Variants in NCALD observed in about 807,000 individuals in gnomAD.
The protein encoded by NCALD is neurocalcin delta.
A neutral mutation model predicts 18.6 loss-of-function variants in NCALD; 10 were observed. That is an observed-to-expected ratio of 0.54 (90% CI 0.33 to 0.91). The LOEUF (loss-of-function observed/expected upper bound fraction) is 0.91, where lower values mean the gene tolerates loss of function less well. Ranked by LOEUF, NCALD falls within the 40% of genes least tolerant of loss-of-function variation. NCALD has a pLI of 0.03. For missense variants in NCALD, 184 were observed against 247.6 expected (o/e 0.74, Z 1.72); for synonymous variants, 88 against 87.4 (o/e 1.01, Z -0.04).
chr8:102,007,520 G>C (rs1821754802), intron 2 of NCALD, among the ~76,000 whole-genome samples: 1 of 152,186 alleles, frequency 6.6e-6, no homozygotes, highest in Non-Finnish European at 1.5e-5. Flanking sequence ...GATAAGGTTG[G>C]AAACAATTGT....
At chr8:101,971,523 C>A (rs780226321) in intron 2 of NCALD, among the ~76,000 whole-genome samples, 6 of 152,068 alleles carry the variant, frequency 3.9e-5, no homozygotes, top group Non-Finnish European at 8.8e-5. Context: ...TCTCTCTTGT[C>A]TGCTGCCATG....
Position 101,688,892 on chromosome 8 carries a change from C to A in NCALD, c.*417G>T. ...CCGGTGCCATCCATCACCCCTACGG[C>A]ACGTGTGACAACAGATTCAGGTGGG... On this transcript the variant is annotated 3_prime_UTR_variant, in exon 4 of 4. Coordinates refer to ENST00000220931, the MANE Select transcript of NCALD (RefSeq NM_032041.3). 1 of 626,704 alleles carries A rather than the reference C, an allele frequency of 1.6e-6. No homozygotes were observed. 38.8% of individuals were successfully genotyped at this position (626,704 alleles called of 1,614,324 possible). A position where few individuals can be genotyped will look rare whatever the true frequency, so the allele number is the denominator to read the frequency against.
chr8:101,965,841 T>C (rs1187860964), intron 2 of NCALD, among the ~76,000 whole-genome samples: 3 of 152,224 alleles, frequency 2.0e-5, no homozygotes, highest in Non-Finnish European at 4.4e-5. Context: ...TGATTTTCTA[T>C]TGCCTAAATA....
chr8:101,835,936 C>A (rs988411788), intron 4 of NCALD, among the ~76,000 whole-genome samples: 2 of 152,172 alleles, frequency 1.3e-5, no homozygotes, highest in East Asian at 3.9e-4. Flanking sequence ...AAGACAACCC[C>A]TGGAAGTCTA....
At chr8:101,875,096 C>G (rs1322190923) in intron 4 of NCALD, among the ~76,000 whole-genome samples, 1 of 152,162 alleles carries the variant, frequency 6.6e-6, no homozygotes, top group Non-Finnish European at 1.5e-5. Flanking sequence ...GGGAAGTAGT[C>G]TAGACAGTCT....
chr8:102,068,582 G>C (rs80310093), intron 1 of NCALD, among the ~76,000 whole-genome samples: 9,242 of 152,214 alleles, frequency 0.061, 412 homozygotes, highest in Non-Finnish European at 0.092. Flanking sequence ...AAAGTTGCCT[G>C]CCTACCCCTG....
chr8:101,998,002 T>G (rs1223969913), intron 2 of NCALD, among the ~76,000 whole-genome samples: 1 of 152,158 alleles, frequency 6.6e-6, no homozygotes, highest in African/African-American at 2.4e-5. Context: ...AATAAGAGCA[T>G]TCAGGTAATG....
intron 4 of NCALD, among the ~76,000 whole-genome samples, chr8:101,821,449 C>A (rs949481245): frequency 6.6e-6 from 1 of 152,126 alleles, no homozygotes; most frequent in Non-Finnish European, 1.5e-5. Context: ...TTCTCAAGGT[C>A]ACACAGCTAG....
At chr8:102,037,023 A>G (rs1020395339) in intron 1 of NCALD, among the ~76,000 whole-genome samples, 4 of 152,222 alleles carry the variant, frequency 2.6e-5, no homozygotes, top group African/African-American at 9.6e-5. Context: ...TAAGCGTTGT[A>G]TAATCTGTAA....
intron 4 of NCALD, among the ~76,000 whole-genome samples, chr8:101,806,123 G>A (rs1168484504): frequency 6.6e-6 from 1 of 152,018 alleles, no homozygotes; most frequent in Non-Finnish European, 1.5e-5. Context: ...AATAGTGAAG[G>A]CTTTGCAGTG....
chr8:101,814,490 A>T (rs1016264554), intron 4 of NCALD, among the ~76,000 whole-genome samples: 2 of 152,138 alleles, frequency 1.3e-5, no homozygotes, highest in African/African-American at 4.8e-5. Flanking sequence ...AATGTTCCTA[A>T]CTTGACAAAG....
rs879437023 is a variant in NCALD at position 101,933,647 on chromosome 8, T to TG, written c.-156-17790dup. ...TGCTGACCTCACCTCCACCCAACTT[T>TG]GCTCTTCCCTGACAACCTACACATT... On this transcript the variant is annotated intron_variant, in intron 2 of 6. Transcript: ENST00000311028. Among the ~76,000 whole-genome samples, 48 of 152,290 alleles carry TG rather than the reference T, an allele frequency of 3.2e-4. No individual in the cohort carries two copies. In the Middle Eastern group the frequency reaches 0.014, roughly 43 times the overall value.
chr8:101,984,981 G>A (rs1018841602), intron 2 of NCALD, among the ~76,000 whole-genome samples: 3 of 152,190 alleles, frequency 2.0e-5, no homozygotes, highest in African/African-American at 7.2e-5. Context: ...GCCTGTGACA[G>A]AGGACACCAG....
At chr8:101,873,298 G>T (rs1816094557) in intron 4 of NCALD, among the ~76,000 whole-genome samples, 1 of 152,172 alleles carries the variant, frequency 6.6e-6, no homozygotes, top group South Asian at 2.1e-4. Context: ...TCCTCCCAAG[G>T]TCTAAGATCA....
chr8:101,774,189 C>T (rs117767289), intron 1 of NCALD, among the ~76,000 whole-genome samples: 4,201 of 152,276 alleles, frequency 0.028, 95 homozygotes, highest in Middle Eastern at 0.048. Flanking sequence ...TATATTTCCT[C>T]TGGAGAGCAA....
chr8:101,808,375 A>C (rs1352956795), intron 4 of NCALD, among the ~76,000 whole-genome samples: 2 of 152,184 alleles, frequency 1.3e-5, no homozygotes, highest in African/African-American at 4.8e-5. Flanking sequence ...ATAAGATTTA[A>C]GTTTTTCTCT....
chr8:101,997,489 G>A (rs1821280772), intron 2 of NCALD, among the ~76,000 whole-genome samples: 1 of 152,122 alleles, frequency 6.6e-6, no homozygotes, highest in Admixed American at 6.5e-5. Flanking sequence ...GCAGATAGGA[G>A]GCTGAGAAGC....
chr8:101,958,405 G>A (rs1819714717), intron 2 of NCALD, among the ~76,000 whole-genome samples: 3 of 151,988 alleles, frequency 2.0e-5, no homozygotes, highest in South Asian at 2.1e-4. Context: ...CTGAAGCTTC[G>A]TTATTACATC....
intron 2 of NCALD, among the ~76,000 whole-genome samples, chr8:101,969,273 C>T (rs1450919429): frequency 6.6e-6 from 1 of 152,176 alleles, no homozygotes; most frequent in Non-Finnish European, 1.5e-5. Context: ...CCCAGTCTCA[C>T]ATTAAAGGGA....
Sources: gnomAD v4.1 joint callset for allele counts (sites outside exome capture counted in the v4.1 genomes callset) on GRCh38, gnomAD v4.1.1 for gene constraint, MANE v1.5 for transcripts, NCBI Gene and HGNC (gene_info 2026-07-23, HGNC 2026-07-21) for gene names.